FANCA: variants seen among roughly 807,000 people sequenced by gnomAD.
FANCA encodes FA complementation group A, also known as Fanconi anemia group A protein.
In FANCA, 236 loss-of-function variants were observed where a neutral mutation model predicts 194.3. That is an observed-to-expected ratio of 1.21 (90% confidence interval 1.09 to 1.35). FANCA has a LOEUF of 1.35. FANCA is among the 40% of genes most tolerant of loss of function. FANCA has a pLI of 0.00. For synonymous variants in FANCA, 1,014 were observed against 715.8 expected (o/e 1.42, Z -6.65); for missense variants, 2,628 against 1,813.9 (o/e 1.45, Z -8.15).
chr16:89,800,833 C>A (rs1037913374), intron 8 of FANCA, among the ~76,000 whole-genome samples: 1 of 151,872 alleles, frequency 6.6e-6, no homozygotes, highest in Non-Finnish European at 1.5e-5. Flanking sequence ...GAGTTCTAGA[C>A]CAGCCTGACC....
At position 89,778,942 on chromosome 16, in the gene FANCA, C is replaced by A; in HGVS notation, c.1776+1G>T. The A allele has an allele frequency of 6.2e-7, 1 of 1,614,132 alleles. No homozygotes were observed. The highest frequency in any genetic ancestry group is 1.1e-5 in the South Asian group (1 of 91,080). On this transcript the variant is annotated splice_donor_variant, in intron 19 of 42. Coordinates refer to ENST00000389301, the MANE Select transcript of FANCA (RefSeq NM_000135.4). LOFTEE classifies it high-confidence loss of function. ...ACAAACTCATGGAGACGCATACTGA[C>A]CACTCGAGGTGTGAGCAGGGCGGGG... is the stretch of plus-strand genomic sequence containing the variant.
Position 89,775,897 on chromosome 16 carries a change from A to G in FANCA, c.1827-82T>C, listed in dbSNP as rs1426904131. 6.8e-5 allele frequency: 56 copies of G among 826,494 alleles called. No individual in the cohort carries two copies. The South Asian group carries it at 8.6e-4, about 13-fold the overall frequency. The allele number at this position is 826,494 out of a possible 1,614,324, so 51.2% of individuals were successfully genotyped here. A position where few individuals can be genotyped will look rare whatever the true frequency, so the allele number is the denominator to read the frequency against. ...TTACAATCCCCAAATCTATTATAAA[A>G]TAAAAACATATTAAATTTAAATAAA... On this transcript the variant is annotated intron_variant, in intron 20 of 42. Transcript: ENST00000389301.
chr16:89,769,756 T>C, intron 26 of FANCA, 81 bp downstream of exon 26: 2 of 1,505,312 alleles, frequency 1.3e-6, no homozygotes, highest in Middle Eastern at 1.7e-4. Flanking sequence ...TGCATGTCTG[T>C]CTCTTCTAAT....
intron 17 of FANCA, among the ~76,000 whole-genome samples, chr16:89,781,363 C>CAAAAACAAA (rs1567627447): frequency 1.7e-5 from 1 of 60,400 alleles, no homozygotes; most frequent in Non-Finnish European, 2.9e-5. Flanking sequence ...GACTCCATTC[C>CAAAAACAAA]AAAAAAAAAA....
At chr16:89,795,758 A>T in intron 11 of FANCA, 148 bp downstream of exon 11, 1 of 686,494 alleles carries the variant, frequency 1.5e-6, no homozygotes, top group Non-Finnish European at 2.7e-6. Flanking sequence ...TAACAATCTC[A>T]GGCATCTGAG....
Position 89,791,631 on chromosome 16 carries a change from G to C in FANCA, c.1226-95C>G, listed in dbSNP as rs2040080497. 22 of 1,531,258 alleles carry C rather than the reference G, an allele frequency of 1.4e-5. No individual in the cohort carries two copies. In the South Asian group the frequency reaches 2.2e-4, roughly 15 times the overall value. The allele number at this position is 1,531,258 out of a possible 1,614,324, so 94.9% of individuals were successfully genotyped here. A position where few individuals can be genotyped will look rare whatever the true frequency, so the allele number is the denominator to read the frequency against. On this transcript the variant is annotated intron_variant, in intron 13 of 42. Transcript: ENST00000389301. ...TGGGTGATCAAGTATTCCAGAAGGA[G>C]ACTGTGCACACCCAAACACCAAGTT...
chr16:89,746,464 A>T, intron 35 of FANCA, 120 bp downstream of exon 35: 3 of 811,278 alleles, frequency 3.7e-6, no homozygotes, highest in Non-Finnish European at 6.4e-6. Flanking sequence ...ATGTCTCCTG[A>T]TGCATTTTCC....
intron 2 of FANCA, 74 bp from the exon 3 acceptor site, chr16:89,814,687 A>G (rs2041032936): frequency 9.3e-7 from 1 of 1,077,098 alleles, no homozygotes; most frequent in South Asian, 1.3e-5. Flanking sequence ...TCACGCCTGT[A>G]ATCCCAGTAC....
At chr16:89,774,880 G>C (rs1355762310) in intron 21 of FANCA, among the ~76,000 whole-genome samples, 1 of 151,892 alleles carries the variant, frequency 6.6e-6, no homozygotes, top group Non-Finnish European at 1.5e-5. Context: ...GATCAGTTGA[G>C]GTCAGGAGTT....
intron 6 of FANCA, among the ~76,000 whole-genome samples, chr16:89,806,347 CTT>C (rs34862478): frequency 1.4e-4 from 15 of 110,428 alleles, no homozygotes; most frequent in South Asian, 3.1e-4. Context: ...CTATATCATT[CTT>C]TTTTTTTTTT....
chr16:89,775,021 G>C (rs1314115216), intron 21 of FANCA, among the ~76,000 whole-genome samples: 1 of 151,830 alleles, frequency 6.6e-6, no homozygotes, highest in South Asian at 2.1e-4. Context: ...TTGAACCCAG[G>C]GGGCAGAGGT....
intron 6 of FANCA, 112 bp from the exon 7 acceptor site, chr16:89,805,504 G>C: frequency 1.3e-6 from 1 of 754,304 alleles, no homozygotes; most frequent in Non-Finnish European, 2.3e-6. Flanking sequence ...TGCTGTCACT[G>C]AGGCTGGAGT....
chr16:89,789,309 G>T (rs111991096), intron 14 of FANCA, among the ~76,000 whole-genome samples: 19 of 151,036 alleles, frequency 1.3e-4, no homozygotes, highest in African/African-American at 2.4e-4. Flanking sequence ...GAAGGCCTGG[G>T]GGGGGAGCAG....
intron 6 of FANCA, among the ~76,000 whole-genome samples, chr16:89,807,251 G>C (rs957001017): frequency 2.7e-5 from 4 of 150,488 alleles, no homozygotes; most frequent in Non-Finnish European, 5.9e-5. Flanking sequence ...AAGATCAGGA[G>C]TTCGAGACCA....
intron 6 of FANCA, among the ~76,000 whole-genome samples, chr16:89,806,347 CTTTTTTT>C (rs34862478): frequency 3.6e-5 from 4 of 110,452 alleles, no homozygotes; most frequent in African/African-American, 1.1e-4. Flanking sequence ...CTATATCATT[CTTTTTTT>C]TTTTTTTTTT....
At chr16:89,799,033 A>G in intron 10 of FANCA, 133 bp downstream of exon 10, 2 of 1,614,236 alleles carry the variant, frequency 1.2e-6, no homozygotes, top group Non-Finnish European at 1.7e-6. Context: ...CACGCACGTT[A>G]TCGTAACTGG....
intron 10 of FANCA, among the ~76,000 whole-genome samples, chr16:89,797,114 C>T (rs941719182): frequency 3.3e-5 from 5 of 152,156 alleles, no homozygotes; most frequent in East Asian, 3.9e-4. Context: ...GAGCAGAGAT[C>T]GCACCACTGC....
intron 8 of FANCA, among the ~76,000 whole-genome samples, chr16:89,800,911 T>C (rs959216985): frequency 1.3e-5 from 2 of 151,172 alleles, no homozygotes; most frequent in Non-Finnish European, 2.9e-5. Context: ...CGGGTGTCTA[T>C]AGTCCCAGCT....
At chr16:89,808,745 G>C (rs916243294) in intron 5 of FANCA, among the ~76,000 whole-genome samples, 1 of 152,256 alleles carries the variant, frequency 6.6e-6, no homozygotes, top group South Asian at 2.1e-4. Flanking sequence ...CAGGACAAAG[G>C]TCAGGCTTCA....
Sources: gnomAD v4.1 joint callset for allele counts (sites outside exome capture counted in the v4.1 genomes callset) on GRCh38, gnomAD v4.1.1 for gene constraint, MANE v1.5 for transcripts, NCBI Gene and HGNC (gene_info 2026-07-23, HGNC 2026-07-21) for gene names.